DAB1: variants seen among roughly 807,000 people sequenced by gnomAD.
DAB1 encodes disabled homolog 1.
A neutral mutation model predicts 64.6 loss-of-function variants in DAB1; 15 were observed. That is an observed-to-expected ratio of 0.23 (90% CI 0.16 to 0.36). DAB1 has a LOEUF of 0.36. Among genes scored for constraint, DAB1 ranks in the 10% least tolerant of loss-of-function variants. DAB1 has a pLI of 1.00. For synonymous variants in DAB1, 235 were observed against 251.9 expected, an observed-to-expected ratio of 0.93 and a Z score of 0.64; for missense variants, 596 against 706.7, an observed-to-expected ratio of 0.84 and a Z score of 1.78.
intron 7 of DAB1, among the ~76,000 whole-genome samples, chr1:57,480,666 G>C (rs1644006197): frequency 6.6e-6 from 1 of 152,072 alleles, no homozygotes; most frequent in Middle Eastern, 3.4e-3. Context: ...TGTATTTTTA[G>C]TAGAGACAGG....
chr1:57,765,047 C>T (rs1015725354), intron 6 of DAB1, among the ~76,000 whole-genome samples: 1 of 152,126 alleles, frequency 6.6e-6, no homozygotes, highest in Non-Finnish European at 1.5e-5. Flanking sequence ...AGTAACAGAG[C>T]AGGGATTAGA....
intron 2 of DAB1, among the ~76,000 whole-genome samples, chr1:57,276,751 T>C (rs778715629): frequency 6.6e-6 from 1 of 152,236 alleles, no homozygotes; most frequent in Non-Finnish European, 1.5e-5. Context: ...TTTATTTAAA[T>C]CTCACAACCT....
chr1:57,790,536 T>G (rs554440452), intron 6 of DAB1, among the ~76,000 whole-genome samples: 1 of 152,168 alleles, frequency 6.6e-6, no homozygotes, highest in African/African-American at 2.4e-5. Flanking sequence ...TCAGAGGAGA[T>G]GAATGTGGGA....
intron 6 of DAB1, among the ~76,000 whole-genome samples, chr1:57,809,827 T>G (rs1651533756): frequency 1.3e-5 from 2 of 152,218 alleles, no homozygotes; most frequent in East Asian, 1.9e-4. Flanking sequence ...TACTCTTACA[T>G]GTCAAATATG....
intron 6 of DAB1, among the ~76,000 whole-genome samples, chr1:57,700,243 T>C (rs1461701387): frequency 1.3e-5 from 2 of 152,180 alleles, no homozygotes; most frequent in African/African-American, 4.8e-5. Flanking sequence ...CTCAACTGTA[T>C]TCCTAGTTAC....
chr1:57,919,140 T>C (rs565191329), intron 5 of DAB1, among the ~76,000 whole-genome samples: 1 of 152,284 alleles, frequency 6.6e-6, no homozygotes, highest in African/African-American at 2.4e-5. Context: ...TTACTCTCCA[T>C]TTCCTCCACC....
chr1:57,965,014 A>G (rs915588968), intron 5 of DAB1, among the ~76,000 whole-genome samples: 1 of 88,800 alleles, frequency 1.1e-5, no homozygotes. Context: ...AGTTATAAAG[A>G]CTGAGAATTC....
intron 2 of DAB1, among the ~76,000 whole-genome samples, chr1:58,515,643 T>C (rs1646147469): frequency 6.6e-6 from 1 of 152,212 alleles, no homozygotes; most frequent in Admixed American, 6.5e-5. Flanking sequence ...TACTTACTGA[T>C]TCTTTTCTTT....
chr1:57,153,152 A>G (rs1023211774), intron 2 of DAB1, among the ~76,000 whole-genome samples: 2 of 152,108 alleles, frequency 1.3e-5, no homozygotes, highest in African/African-American at 2.4e-5. Context: ...CAGCCACCCG[A>G]ATCACTGGGA....
chr1:57,052,139 CG>C (rs1284601522), intron 9 of DAB1, among the ~76,000 whole-genome samples: 2 of 14,092 alleles, frequency 1.4e-4, no homozygotes, highest in Non-Finnish European at 2.2e-4. Context: ...TTACTGGGGG[CG>C]GGGGGGCGGG....
chr1:57,061,815 G>T (rs921380998), intron 9 of DAB1, among the ~76,000 whole-genome samples: 1 of 152,176 alleles, frequency 6.6e-6, no homozygotes, highest in African/African-American at 2.4e-5. Flanking sequence ...CTCTCACAGT[G>T]TGGGGTCCAG....
intron 1 of DAB1, among the ~76,000 whole-genome samples, chr1:57,373,368 G>A (rs887661508): frequency 3.9e-5 from 6 of 151,944 alleles, no homozygotes; most frequent in East Asian, 1.9e-4. Flanking sequence ...CAAGTGTTCA[G>A]TTAACAGCAA....
intron 6 of DAB1, among the ~76,000 whole-genome samples, chr1:57,663,218 C>T (rs1362740464): frequency 6.6e-6 from 1 of 152,106 alleles, no homozygotes; most frequent in African/African-American, 2.4e-5. Flanking sequence ...CACACACTTT[C>T]AAATAACCAG....
chr1:57,128,700 G>A (rs1289172940), intron 4 of DAB1, among the ~76,000 whole-genome samples: 1 of 152,100 alleles, frequency 6.6e-6, no homozygotes, highest in Non-Finnish European at 1.5e-5. Flanking sequence ...CTGGATCTTT[G>A]AGACTAGTGC....
At chr1:57,879,629 C>G (rs1278438811) in intron 1 of DAB1, among the ~76,000 whole-genome samples, 2 of 152,040 alleles carry the variant, frequency 1.3e-5, no homozygotes, top group Non-Finnish European at 2.9e-5. Context: ...AAAAATCAAG[C>G]CTAGTTTTCA....
intron 6 of DAB1, among the ~76,000 whole-genome samples, chr1:57,725,193 A>G (rs889461409): frequency 6.6e-6 from 1 of 152,220 alleles, no homozygotes; most frequent in Non-Finnish European, 1.5e-5. Context: ...ATGAACCATG[A>G]CATACCTATT....
At chr1:57,622,536 G>A (rs1021448720) in intron 7 of DAB1, among the ~76,000 whole-genome samples, 1 of 152,218 alleles carries the variant, frequency 6.6e-6, no homozygotes, top group African/African-American at 2.4e-5. Flanking sequence ...ACATTTTAGT[G>A]TGTTTAATCA....
At chr1:57,754,621 C>A (rs575197228) in intron 6 of DAB1, among the ~76,000 whole-genome samples, 2 of 151,764 alleles carry the variant, frequency 1.3e-5, no homozygotes, top group African/African-American at 4.8e-5. Context: ...AAACGGGAGG[C>A]GGAGGTTGCA....
chr1:57,343,781 C>T (rs190555191), intron 1 of DAB1, among the ~76,000 whole-genome samples: 5 of 152,314 alleles, frequency 3.3e-5, no homozygotes, highest in Non-Finnish European at 5.9e-5. Context: ...TTCCCACCGA[C>T]GCCTCTCCAT....
Sources: allele counts gnomAD v4.1 joint callset (sites outside exome capture counted in the v4.1 genomes callset), GRCh38; gene constraint gnomAD v4.1.1; transcripts MANE v1.5; gene names NCBI Gene and HGNC (gene_info 2026-07-23, HGNC 2026-07-21).